The following CEP83 variants were observed in gnomAD, a reference collection of about 807,000 sequenced individuals.
CEP83 encodes the protein centrosomal protein 83.
Under a neutral mutation model 101.9 loss-of-function variants are expected in CEP83, and 70 were observed. The ratio of observed to expected loss-of-function variants is 0.69; its 90% CI spans 0.57 to 0.84. The LOEUF (loss-of-function observed/expected upper bound fraction) is 0.84, where lower values mean the gene tolerates loss of function less well. Ranked by LOEUF, CEP83 falls within the 40% of genes least tolerant of loss-of-function variation. The pLI, the probability that CEP83 is intolerant of heterozygous loss-of-function variation, is 0.00. For synonymous variants in CEP83, 264 were observed against 267.9 expected, an observed-to-expected ratio of 0.99 and a Z score of 0.14; for missense variants, 715 against 787.2, an observed-to-expected ratio of 0.91 and a Z score of 1.10.
intron 14 of CEP83, among the ~76,000 whole-genome samples, chr12:94,324,703 C>A (rs1224029473): frequency 6.6e-6 from 1 of 152,190 alleles, no homozygotes; most frequent in Non-Finnish European, 1.5e-5. Flanking sequence ...TAAATCTATC[C>A]ATTGAGTTAA....
At chr12:94,324,629 T>A (rs900045398) in intron 14 of CEP83, among the ~76,000 whole-genome samples, 1 of 152,202 alleles carries the variant, frequency 6.6e-6, no homozygotes, top group Admixed American at 6.5e-5. Flanking sequence ...TTCCTCACTG[T>A]ACATCTTCTG....
intron 14 of CEP83, among the ~76,000 whole-genome samples, chr12:94,327,329 ACTTT>A (rs1036671830): frequency 1.4e-4 from 21 of 152,162 alleles, no homozygotes; most frequent in Non-Finnish European, 2.2e-4. Context: ...ATCTTTGATA[ACTTT>A]CTTTACCTTT....
At chr12:94,396,280 CTTTT>C (rs776434390) in intron 6 of CEP83, among the ~76,000 whole-genome samples, 6 of 90,948 alleles carry the variant, frequency 6.6e-5, no homozygotes, top group African/African-American at 9.2e-5. Context: ...AAAAGCATGA[CTTTT>C]TTTTTTTTTT....
intron 6 of CEP83, among the ~76,000 whole-genome samples, chr12:94,394,284 C>T (rs1359648793): frequency 2.6e-5 from 4 of 152,040 alleles, no homozygotes; most frequent in Non-Finnish European, 5.9e-5. Context: ...GAGATATAGA[C>T]CAATGGAACA....
chr12:94,420,675 G>A (rs1048339073), intron 2 of CEP83, among the ~76,000 whole-genome samples: 1 of 152,032 alleles, frequency 6.6e-6, no homozygotes, highest in Non-Finnish European at 1.5e-5. Flanking sequence ...GTGTGGCCCA[G>A]GGAAGCCGAA....
rs1394591049 is a variant in CEP83 at position 94,369,973 on chromosome 12, C to T, written c.997G>A (p.Ala333Thr). ...CTTTCTCTTTCTAGCTCACTCTTAG[C>T]TCTTGCTGTCTCCAGTTTGATGTCT... ...ITDIKLETAR[A>T]KSELERERNK... is the part of the protein sequence containing the mutation. Residue 333 changes from alanine to threonine, a missense_variant, in exon 9 of 17, where the codon GCT (alanine) becomes ACT (threonine). Ala to Thr is a moderately conservative substitution (Grantham distance 58). Transcript: ENST00000397809. 5 of 1,611,226 alleles carry T rather than the reference C, an allele frequency of 3.1e-6. No homozygotes were observed. Among genetic ancestry groups the T allele is most frequent in the Non-Finnish European group, 4.2e-6 (5 of 1,177,786 alleles).
intron 2 of CEP83, among the ~76,000 whole-genome samples, chr12:94,431,664 C>T (rs117226344): frequency 6.7e-5 from 10 of 149,816 alleles, no homozygotes; most frequent in Admixed American, 2.7e-4. Flanking sequence ...TACATACAAA[C>T]GACCAATGGG....
intron 14 of CEP83, among the ~76,000 whole-genome samples, chr12:94,321,459 C>T (rs2058740818): frequency 1.3e-5 from 2 of 152,148 alleles, no homozygotes; most frequent in Non-Finnish European, 2.9e-5. Flanking sequence ...AGAGTTCTTC[C>T]GTTGATTCCT....
At chr12:94,450,636 C>G (rs1055443475) in intron 1 of CEP83, among the ~76,000 whole-genome samples, 7 of 152,120 alleles carry the variant, frequency 4.6e-5, no homozygotes, top group African/African-American at 1.7e-4. Context: ...TTATAACAGT[C>G]TTAGGAATAA....
chr12:94,309,936 T>C lies in CEP83; in HGVS notation c.1983A>G (p.Pro661=), dbSNP rs755790354. 14 of 1,602,128 alleles carry C rather than the reference T, an allele frequency of 8.7e-6. No homozygotes were observed. In the African/African-American group the frequency reaches 9.4e-5, roughly 11 times the overall value. Residue 661 remains proline (P), a synonymous_variant, in exon 16 of 17, where the codon CCA becomes CCG. Coordinates refer to ENST00000397809, the MANE Select transcript of CEP83 (RefSeq NM_016122.3). The part of the protein sequence containing the change: ...SSAMVPSMEL[P]FPPHMQEEQH... ...CTCATACCTGCATATGAGGAGGAAA[T>C]GGTAGTTCCATGCTTGGAACCATGG... is the stretch of plus-strand genomic sequence containing the variant.
At chr12:94,392,254 G>A (rs998106325) in intron 6 of CEP83, among the ~76,000 whole-genome samples, 1 of 152,134 alleles carries the variant, frequency 6.6e-6, no homozygotes, top group Non-Finnish European at 1.5e-5. Context: ...GCACTCCTCA[G>A]CAAATGCAAA....
chr12:94,273,260 G>A, the CEP83 span, among the ~76,000 whole-genome samples: 3 of 152,052 alleles, frequency 2.0e-5, no homozygotes, highest in Non-Finnish European at 4.4e-5. Flanking sequence ...AATAGTACAG[G>A]GACTCTCTTT....
At chr12:94,451,467 C>CAAAAAAAAAAAAAAAAAA (rs34200750) in intron 1 of CEP83, among the ~76,000 whole-genome samples, 1 of 102,664 alleles carries the variant, frequency 9.7e-6, no homozygotes, top group Non-Finnish European at 2.0e-5. Flanking sequence ...TCAGTAAGAC[C>CAAAAAAAAAAAAAAAAAA]AAAAAAAAAA....
At chr12:94,276,793 G>A in the CEP83 span, 3 of 152,270 alleles carry the variant, frequency 2.0e-5, no homozygotes, top group Admixed American at 2.0e-4. Context: ...TTTGTTTCTT[G>A]TTTGTGAGCA....
intron 1 of CEP83, among the ~76,000 whole-genome samples, chr12:94,438,284 C>T (rs1402199160): frequency 6.6e-6 from 1 of 151,612 alleles, no homozygotes; most frequent in African/African-American, 2.4e-5. Flanking sequence ...CAAGTATCTG[C>T]TGCCTTCAAG....
At chr12:94,447,889 A>G (rs1343647250) in intron 1 of CEP83, among the ~76,000 whole-genome samples, 1 of 152,138 alleles carries the variant, frequency 6.6e-6, no homozygotes, top group Non-Finnish European at 1.5e-5. Flanking sequence ...AAGATGGTAA[A>G]GAAAAGAGGA....
chr12:94,289,647 A>C, the CEP83 span, among the ~76,000 whole-genome samples: 1 of 152,206 alleles, frequency 6.6e-6, no homozygotes, highest in Non-Finnish European at 1.5e-5. Context: ...TCTGCATTCC[A>C]GGGCACTTTT....
chr12:94,301,096 T>A, the CEP83 span: 1 of 1,588,984 alleles, frequency 6.3e-7, no homozygotes, highest in Non-Finnish European at 8.6e-7. Context: ...TGCAGTCTTA[T>A]GAGTTTGACA....
chr12:94,279,602 G>A, the CEP83 span: 1 of 1,614,196 alleles, frequency 6.2e-7, no homozygotes, highest in South Asian at 1.1e-5. Context: ...GCATTCTTAA[G>A]CAAAAATGGC....
Sources: allele counts gnomAD v4.1 joint callset (sites outside exome capture counted in the v4.1 genomes callset), GRCh38; gene constraint gnomAD v4.1.1; transcripts MANE v1.5; gene names NCBI Gene and HGNC (gene_info 2026-07-23, HGNC 2026-07-21).